Variants in FHOD3 observed in about 807,000 individuals in gnomAD.
FHOD3 encodes the protein formin homology 2 domain containing 3, also known as FH1/FH2 domain-containing protein 3.
Under a neutral mutation model 173.0 loss-of-function variants are expected in FHOD3, and 90 were observed. The observed-to-expected ratio is 0.52, with a 90% CI of 0.44 to 0.62. The LOEUF is 0.62. Among genes scored for constraint, FHOD3 ranks in the 20% least tolerant of loss-of-function variants. The pLI is 0.00. For synonymous variants in FHOD3, 828 were observed against 823.0 expected, an observed-to-expected ratio of 1.01 and a Z score of -0.10; for missense variants, 1,945 against 2,034.7, an observed-to-expected ratio of 0.96 and a Z score of 0.85.
chr18:36,300,306 C>T (rs548783909), intron 1 of FHOD3, among the ~76,000 whole-genome samples: 180 of 152,338 alleles, frequency 1.2e-3, no homozygotes, highest in Non-Finnish European at 7.6e-4. Context: ...CCATGCCTCC[C>T]GGGCTTCTCT....
intron 3 of FHOD3, among the ~76,000 whole-genome samples, chr18:36,449,315 G>A (rs2051685887): frequency 6.6e-6 from 1 of 152,030 alleles, no homozygotes; most frequent in Admixed American, 6.6e-5. Context: ...TAAAACATAG[G>A]GAAGGCACAA....
intron 3 of FHOD3, among the ~76,000 whole-genome samples, chr18:36,387,097 C>G (rs1457815330): frequency 6.6e-6 from 1 of 152,140 alleles, no homozygotes; most frequent in African/African-American, 2.4e-5. Context: ...AGGCAAGTGC[C>G]CTGGACTGTG....
At chr18:36,511,015 T>G (rs2055607463) in intron 4 of FHOD3, among the ~76,000 whole-genome samples, 1 of 152,224 alleles carries the variant, frequency 6.6e-6, no homozygotes, top group South Asian at 2.1e-4. Flanking sequence ...AAGGGGCTGA[T>G]TTCATGTAGG....
At chr18:36,439,174 G>A (rs767802767) in intron 3 of FHOD3, among the ~76,000 whole-genome samples, 1 of 152,194 alleles carries the variant, frequency 6.6e-6, no homozygotes, top group African/African-American at 2.4e-5. Flanking sequence ...CTCCTTCATT[G>A]TTGTAGTTAA....
At chr18:36,386,157 C>A (rs1440374354) in intron 3 of FHOD3, among the ~76,000 whole-genome samples, 1 of 152,192 alleles carries the variant, frequency 6.6e-6, no homozygotes, top group Non-Finnish European at 1.5e-5. Context: ...TGATGGCAAA[C>A]TTTCACTATA....
At position 36,473,476 on chromosome 18, in the gene FHOD3, A is replaced by G. The variant is rs1212071308; in HGVS notation, c.338-28456A>G. On this transcript the variant is annotated intron_variant, in intron 3 of 28. Coordinates refer to ENST00000590592, the MANE Select transcript of FHOD3 (RefSeq NM_001281740.3). ...AATCAGAACCTACATTTGTCACCCA[A>G]TTCCTGATCCCTGGGTGATGAGTTA... Among the ~76,000 whole-genome samples the G allele has an allele frequency of 2.6e-5, 4 of 152,188 alleles. No homozygotes were observed. The East Asian group carries it at 7.7e-4, about 29-fold the overall frequency.
rs369471887 is a variant in FHOD3, at chr18:36,779,581, T to C, written c.*51T>C. ...TGCTGAGCAGAAGGCAAGCTCTTGC[T>C]GGATGAAACCCCTCCAGGTGGGGTT... On this transcript the variant is annotated 3_prime_UTR_variant, in exon 29 of 29. Transcript: ENST00000590592. The C allele has an allele frequency of 9.6e-5, 148 of 1,537,390 alleles. No homozygotes were observed. The East Asian group carries it at 2.8e-3, about 29-fold the overall frequency.
At chr18:36,401,712 G>A (rs1232789207) in intron 3 of FHOD3, among the ~76,000 whole-genome samples, 1 of 152,204 alleles carries the variant, frequency 6.6e-6, no homozygotes, top group Non-Finnish European at 1.5e-5. Context: ...AATCAAGGAA[G>A]TAAAAGTGTT....
At chr18:36,546,972 T>C (rs191961617) in intron 5 of FHOD3, among the ~76,000 whole-genome samples, 2 of 152,294 alleles carry the variant, frequency 1.3e-5, no homozygotes, top group Admixed American at 6.5e-5. Flanking sequence ...GCCCATGACA[T>C]TTGGCTTCAG....
At chr18:36,386,466 C>G (rs1047528406) in intron 3 of FHOD3, among the ~76,000 whole-genome samples, 1 of 152,204 alleles carries the variant, frequency 6.6e-6, no homozygotes, top group African/African-American at 2.4e-5. Flanking sequence ...AAACAACGAG[C>G]AATTTCCGTG....
chr18:36,613,674 G>C lies in FHOD3; in HGVS notation c.957+1579G>C, dbSNP rs968289133. On this transcript the variant is annotated intron_variant, in intron 9 of 28. Transcript: ENST00000590592. ...TATAACCTTCCACCTCTGGTTGGTT[G>C]GTTGTTGGTTGTTTTTTGAGACAGT... Among the ~76,000 whole-genome samples the C allele has an allele frequency of 2.6e-5, 4 of 152,196 alleles. No homozygotes were observed. The South Asian group carries it at 6.2e-4, about 24-fold the overall frequency.
chr18:36,596,411 C>A (rs562162795), intron 7 of FHOD3, among the ~76,000 whole-genome samples: 1 of 140,594 alleles, frequency 7.1e-6, no homozygotes, highest in African/African-American at 2.7e-5. Context: ...TCTCAGTCTC[C>A]TGACCTTGTG....
At chr18:36,727,521 TC>T (rs1359287507) in intron 19 of FHOD3, among the ~76,000 whole-genome samples, 1 of 152,204 alleles carries the variant, frequency 6.6e-6, no homozygotes, top group Non-Finnish European at 1.5e-5. Context: ...TTTCAGGTAT[TC>T]CTTTAATGCT....
chr18:36,345,725 AAC>A (rs1477496650), intron 1 of FHOD3, among the ~76,000 whole-genome samples: 4 of 152,258 alleles, frequency 2.6e-5, no homozygotes, highest in African/African-American at 9.6e-5. Context: ...AAACATGCCA[AAC>A]ACAGAGAATA....
chr18:36,508,736 G>T (rs930775179), intron 4 of FHOD3, among the ~76,000 whole-genome samples: 21 of 151,542 alleles, frequency 1.4e-4, no homozygotes, highest in Admixed American at 8.5e-4. Context: ...CATTTATTTT[G>T]CCTTGTCACT....
At chr18:36,581,728 A>G (rs2058860186) in intron 6 of FHOD3, among the ~76,000 whole-genome samples, 1 of 152,162 alleles carries the variant, frequency 6.6e-6, no homozygotes, top group African/African-American at 2.4e-5. Flanking sequence ...TTTCTCTGTC[A>G]TATACATTAG....
In FHOD3 at chr18:36,718,080, G is replaced by A. The variant is rs369684929; in HGVS notation, c.2782G>A (p.Val928Ile). 1.1e-4 allele frequency: 173 copies of A among 1,598,908 alleles called. No homozygotes were observed. The highest frequency in any genetic ancestry group is 1.4e-4 in the Admixed American group (8 of 59,098). Residue 928 changes from valine to isoleucine, a missense_variant, in exon 19 of 29, where the codon GTC becomes ATC. Coordinates refer to ENST00000590592, the MANE Select transcript of FHOD3 (RefSeq NM_001281740.3). The stretch of plus-strand genomic sequence containing the variant: ...GGATGAGAGTGTCAGGAGGGTGGAT[G>A]TCGGCTGTTTGGACAATCGGGGCAG... ...TQDESVRRVD[V>I]GCLDNRGSVK...
intron 3 of FHOD3, among the ~76,000 whole-genome samples, chr18:36,480,136 G>A (rs573060116): frequency 2.6e-5 from 4 of 152,262 alleles, no homozygotes; most frequent in Admixed American, 1.3e-4. Context: ...TGATAGCCCC[G>A]TATAAGACGG....
rs371741577 is a variant in FHOD3 at position 36,712,564 on chromosome 18, G to T, written c.2533+3173G>T. 2.0e-5 allele frequency among the ~76,000 whole-genome samples: 3 copies of T among 151,960 alleles called. No individual in the cohort carries two copies. In the Middle Eastern group the frequency reaches 9.5e-3, roughly 481 times the overall value. Reference sequence around the variant, plus strand: ...TCAAAAACAAATCAGTGGAAATTACGAACTCTGAATGACAGAAAAAAAGAG... The same window carrying T: ...TCAAAAACAAATCAGTGGAAATTACTAACTCTGAATGACAGAAAAAAAGAG... On this transcript the variant is annotated intron_variant, in intron 18 of 28. Transcript: ENST00000590592.
Sources: allele counts gnomAD v4.1 joint callset (sites outside exome capture counted in the v4.1 genomes callset), GRCh38; gene constraint gnomAD v4.1.1; transcripts MANE v1.5; gene names NCBI Gene and HGNC (gene_info 2026-07-23, HGNC 2026-07-21).